Variants in PGR observed in about 807,000 individuals in gnomAD.
PGR encodes the protein progesterone receptor.
PGR carries 25 observed loss-of-function variants against 76.1 expected under a neutral mutation model. The observed-to-expected ratio is 0.33, with a 90% confidence interval of 0.24 to 0.46. The LOEUF (loss-of-function observed/expected upper bound fraction) is 0.46. Among genes scored for constraint, PGR ranks in the 20% least tolerant of loss-of-function variants. The probability of loss-of-function intolerance (pLI) is 1.00; values close to 1 mark genes in which losing one functional copy is unlikely to be tolerated. For missense variants in PGR, 1,172 were observed against 1,225.3 expected (o/e 0.96, Z 0.65); for synonymous variants, 579 against 535.0 (o/e 1.08, Z -1.14).
intron 3 of PGR, among the ~76,000 whole-genome samples, chr11:101,071,690 T>G (rs1035727924): frequency 2.0e-5 from 3 of 151,164 alleles, no homozygotes; most frequent in African/African-American, 7.3e-5. Flanking sequence ...TACACAAATA[T>G]CAGCAGCCAA....
chr11:101,066,094 T>C (rs1256602217), intron 3 of PGR, among the ~76,000 whole-genome samples: 1 of 152,192 alleles, frequency 6.6e-6, no homozygotes, highest in Non-Finnish European at 1.5e-5. Context: ...CATCCTCTAA[T>C]AGTCCCTCTC....
intron 6 of PGR, among the ~76,000 whole-genome samples, chr11:101,048,519 T>C (rs1565331199): frequency 2.0e-5 from 3 of 152,194 alleles, no homozygotes; most frequent in Non-Finnish European, 2.9e-5. Context: ...ATGTGATTAC[T>C]GAATACTGTA....
chr11:101,118,254 G>T (rs1446029461), intron 2 of PGR, among the ~76,000 whole-genome samples: 1 of 152,178 alleles, frequency 6.6e-6, no homozygotes, highest in Non-Finnish European at 1.5e-5. Flanking sequence ...TAGGTTTGTT[G>T]CAAGAGTTAA....
At chr11:101,092,263 T>C in intron 2 of PGR, among the ~76,000 whole-genome samples, 1 of 152,180 alleles carries the variant, frequency 6.6e-6, no homozygotes, top group East Asian at 1.9e-4. Context: ...CTTTCTGACA[T>C]TGATGCCTTC....
At position 101,049,528 on chromosome 11, in the gene PGR, GT is replaced by G. The variant is rs577425016; in HGVS notation, c.2488+400del. Among the ~76,000 whole-genome samples, 244 of 152,206 alleles carry G rather than the reference GT, an allele frequency of 1.6e-3. 1 individual carries two copies. Among genetic ancestry groups the G allele is most frequent in the Non-Finnish European group, 2.5e-3 (170 of 68,006 alleles). On this transcript the variant is annotated intron_variant, in intron 6 of 7. Transcript: ENST00000325455. ...TGTGATTAGTGCATTGTGCTATGATGTTATGGTGGCTATAACAGGACTAGGC... is the reference window on the plus strand; with the variant it reads ...TGTGATTAGTGCATTGTGCTATGATGTATGGTGGCTATAACAGGACTAGGC...
intron 2 of PGR, among the ~76,000 whole-genome samples, chr11:101,104,677 C>T (rs1262509100): frequency 6.6e-6 from 1 of 152,200 alleles, no homozygotes; most frequent in African/African-American, 2.4e-5. Context: ...CTTATCTCAT[C>T]CAGCTATGCT....
In PGR at chr11:101,128,798, T is replaced by C. The variant is rs1862991424; in HGVS notation, c.273A>G (p.Glu91=). Residue 91 remains glutamate (E), a synonymous_variant, in exon 1 of 8, where the codon GAA becomes GAG. Transcript: ENST00000325455. ...SDVEGAYSRA[E]ATRGAGGSSS... is the part of the protein sequence containing the mutation. ...TGCTGCCTCCAGCACCCCTTGTAGC[T>C]TCAGCTCTGGAATATGCGCCCTCCA... 6.2e-7 allele frequency: 1 copy of C among 1,614,018 alleles called. No individual in the cohort carries two copies. The highest frequency in any genetic ancestry group is 1.3e-5 in the African/African-American group (1 of 74,948).
chr11:101,040,649 CCT>C (rs1255243761), intron 7 of PGR, among the ~76,000 whole-genome samples: 1 of 151,968 alleles, frequency 6.6e-6, no homozygotes, highest in Non-Finnish European at 1.5e-5. Flanking sequence ...GTCTATGTGA[CCT>C]GTTTCTTTCA....
rs1193161439 is a variant in PGR, at chr11:101,127,984, A to G, written c.1087T>C (p.Tyr363His). 1 of 1,611,730 alleles carries G rather than the reference A, an allele frequency of 6.2e-7. No homozygotes were observed. Residue 363 changes from tyrosine to histidine, a missense_variant, in exon 1 of 8, where the codon TAC (tyrosine) becomes CAC (histidine). Physicochemically the swap from Tyr to His is moderately conservative, Grantham distance 83. Coordinates refer to ENST00000325455, the MANE Select transcript of PGR (RefSeq NM_000926.4). The stretch of plus-strand genomic sequence containing the variant: ...TCCTTGGGCTCGGCGTCGGGCGGGT[A>G]CGCGCAGTCGGGGAAGTCGCCTACA... ...VAVGDFPDCA[Y>H]PPDAEPKDDA...
intron 3 of PGR, among the ~76,000 whole-genome samples, chr11:101,091,131 C>T (rs548343300): frequency 6.6e-6 from 1 of 152,270 alleles, no homozygotes; most frequent in East Asian, 1.9e-4. Flanking sequence ...GCTTGATCTC[C>T]CTCACTCTGC....
intron 2 of PGR, among the ~76,000 whole-genome samples, chr11:101,123,488 T>G (rs1377910942): frequency 6.6e-6 from 1 of 152,198 alleles, no homozygotes. Flanking sequence ...TGCCTTAAAT[T>G]ACCGATTCTC....
chr11:101,039,375 C>T (rs1859620261), intron 7 of PGR, 104 bp from the exon 8 acceptor site: 1 of 868,408 alleles, frequency 1.2e-6, no homozygotes. Context: ...AATATAAATA[C>T]TTCTCAAGGT....
rs1859556424 is a variant in PGR, at chr11:101,037,711, T to C, written c.*1405A>G. Reference sequence around the variant, plus strand: ...GTGGAAAATTTAAAAGTAATGAAGATAATTGATGGAGATAAAGCATGGGAG... The same window carrying C: ...GTGGAAAATTTAAAAGTAATGAAGACAATTGATGGAGATAAAGCATGGGAG... On this transcript the variant is annotated 3_prime_UTR_variant, in exon 8 of 8. Coordinates refer to ENST00000325455, the MANE Select transcript of PGR (RefSeq NM_000926.4). 1 of 226,230 alleles carries C rather than the reference T, an allele frequency of 4.4e-6. No individual in the cohort carries two copies. Among genetic ancestry groups the C allele is most frequent in the Non-Finnish European group, 8.8e-6 (1 of 113,708 alleles). 14.0% of individuals were successfully genotyped at this position (226,230 alleles called of 1,614,324 possible).
chr11:101,110,640 T>C (rs1016888281), intron 2 of PGR, among the ~76,000 whole-genome samples: 1 of 152,116 alleles, frequency 6.6e-6, no homozygotes, highest in Non-Finnish European at 1.5e-5. Flanking sequence ...AGATTTAGGA[T>C]TTAGGATATT....
intron 4 of PGR, among the ~76,000 whole-genome samples, chr11:101,056,587 C>G (rs1860300908): frequency 6.9e-6 from 1 of 144,588 alleles, no homozygotes; most frequent in Non-Finnish European, 1.5e-5. Flanking sequence ...CTGCCGTGAG[C>G]TACAATCATG....
At chr11:101,058,460 T>C (rs1860371154) in intron 4 of PGR, among the ~76,000 whole-genome samples, 1 of 152,270 alleles carries the variant, frequency 6.6e-6, no homozygotes, top group Non-Finnish European at 1.5e-5. Context: ...TTGGCACGCT[T>C]CAAAAGCAGA....
chr11:101,086,846 A>G (rs1238680946), intron 3 of PGR, among the ~76,000 whole-genome samples: 1 of 152,144 alleles, frequency 6.6e-6, no homozygotes, highest in East Asian at 1.9e-4. Context: ...AGCCACACAC[A>G]CACACAAAAT....
chr11:101,098,842 A>G (rs914817043), intron 2 of PGR, among the ~76,000 whole-genome samples: 3 of 152,242 alleles, frequency 2.0e-5, no homozygotes, highest in Non-Finnish European at 4.4e-5. Context: ...ACAGGGCTAG[A>G]AAACACTACA....
Position 101,114,641 on chromosome 11 carries a change from G to C in PGR, c.1789+11366C>G, listed in dbSNP as rs530168465. On this transcript the variant is annotated intron_variant, in intron 2 of 7. Transcript: ENST00000325455. ...CTACTTTCAACATCACTCCTTTACT[G>C]AGTAAAATGATCATGTACTTCCTAT... Among the ~76,000 whole-genome samples the C allele has an allele frequency of 7.2e-5, 11 of 151,912 alleles. No homozygotes were observed. In the South Asian group the frequency reaches 2.3e-3, roughly 32 times the overall value.
Sources: allele counts gnomAD v4.1 joint callset (sites outside exome capture counted in the v4.1 genomes callset), GRCh38; gene constraint gnomAD v4.1.1; transcripts MANE v1.5; gene names NCBI Gene and HGNC (gene_info 2026-07-23, HGNC 2026-07-21).